The following PRRX1 variants were observed in gnomAD, a reference collection of about 807,000 sequenced individuals.
The protein encoded by PRRX1 is paired mesoderm homeobox protein 1.
A neutral mutation model predicts 24.0 loss-of-function variants in PRRX1; 8 were observed. The ratio of observed to expected loss-of-function variants is 0.33; its 90% CI spans 0.20 to 0.60. The LOEUF is 0.60. Ranked by LOEUF, PRRX1 falls within the 20% of genes least tolerant of loss-of-function variation. The pLI is 0.82. For synonymous variants in PRRX1, 160 were observed against 131.7 expected (o/e 1.22, Z -1.47); for missense variants, 281 against 322.4 (o/e 0.87, Z 0.98).
At chr1:170,717,827 G>A (rs532325893) in intron 1 of PRRX1, among the ~76,000 whole-genome samples, 4 of 152,328 alleles carry the variant, frequency 2.6e-5, no homozygotes, top group Admixed American at 2.0e-4. Context: ...TTGAATTCTA[G>A]TGCTGATCTT....
rs533501026 is a variant in PRRX1, at chr1:170,736,196, A to T, written c.*10A>T. On this transcript the variant is annotated 3_prime_UTR_variant, in exon 4 of 4. Transcript: ENST00000239461. ...GCCAACAGTCAACTGAGGAAAAAAAATAATTAAACAGGCCTAAGAAGAAAT... is the reference window on the plus strand; with the variant it reads ...GCCAACAGTCAACTGAGGAAAAAAATTAATTAAACAGGCCTAAGAAGAAAT... The T allele has an allele frequency of 3.7e-6, 6 of 1,614,056 alleles. No individual in the cohort carries two copies. Among genetic ancestry groups the T allele is most frequent in the African/African-American group, 1.3e-5 (1 of 75,058 alleles).
At chr1:170,697,787 T>C (rs1278126367) in intron 1 of PRRX1, among the ~76,000 whole-genome samples, 1 of 147,492 alleles carries the variant, frequency 6.8e-6, no homozygotes, top group Non-Finnish European at 1.5e-5. Context: ...TATAAAGATA[T>C]ATAAATATGT....
At chr1:170,674,781 T>C (rs982161434) in intron 1 of PRRX1, among the ~76,000 whole-genome samples, 2 of 152,102 alleles carry the variant, frequency 1.3e-5, no homozygotes, top group Admixed American at 6.5e-5. Context: ...ATAGGAGTAA[T>C]ACCAAAGTGT....
Position 170,736,086 on chromosome 1 carries a change from G to T in PRRX1, c.638G>T (p.Ser213Ile). 3.1e-6 allele frequency: 5 copies of T among 1,614,110 alleles called. No homozygotes were observed. The South Asian group carries it at 5.5e-5, about 18-fold the overall frequency. The change falls in exon 4 of 4, where the codon AGC (serine) becomes ATC (isoleucine). Residue 213 changes from serine to isoleucine, a missense_variant. Ser to Ile is a moderately radical substitution (Grantham distance 142). Transcript: ENST00000239461. ...ATYSATCANN[S>I]PAQGINMANS... ...TATTCTGCCACATGTGCCAACAATA[G>T]CCCTGCACAGGGCATCAACATGGCC...
chr1:170,695,472 C>A (rs769334593), intron 1 of PRRX1, among the ~76,000 whole-genome samples: 1 of 152,072 alleles, frequency 6.6e-6, no homozygotes, highest in East Asian at 1.9e-4. Context: ...TGTTGACATA[C>A]GCTTGGTGGA....
intron 1 of PRRX1, among the ~76,000 whole-genome samples, chr1:170,703,004 T>C (rs1418889552): frequency 6.6e-6 from 1 of 152,226 alleles, no homozygotes; most frequent in Non-Finnish European, 1.5e-5. Flanking sequence ...AACTTCAGTT[T>C]GCAAAGCCAA....
intron 1 of PRRX1, among the ~76,000 whole-genome samples, chr1:170,677,383 A>G (rs1653359623): frequency 6.6e-6 from 1 of 152,238 alleles, no homozygotes. Context: ...ATTGTTATAA[A>G]TGCCCTTTAG....
At chr1:170,725,683 T>G (rs984371536) in intron 2 of PRRX1, among the ~76,000 whole-genome samples, 2 of 152,202 alleles carry the variant, frequency 1.3e-5, no homozygotes, top group African/African-American at 2.4e-5. Flanking sequence ...TCTCTGTTAC[T>G]TCCTTGCTCC....
chr1:170,677,651 C>CTGA (rs1210633293), intron 1 of PRRX1, among the ~76,000 whole-genome samples: 1 of 152,180 alleles, frequency 6.6e-6, no homozygotes, highest in Non-Finnish European at 1.5e-5. Flanking sequence ...CAATTAGAAA[C>CTGA]TGATGCCTCA....
chr1:170,677,500 C>G (rs946921217), intron 1 of PRRX1, among the ~76,000 whole-genome samples: 1 of 152,216 alleles, frequency 6.6e-6, no homozygotes, highest in Non-Finnish European at 1.5e-5. Context: ...TGACTTATTT[C>G]AGGCATGGAT....
intron 3 of PRRX1, among the ~76,000 whole-genome samples, chr1:170,729,440 G>A (rs1286399359): frequency 6.8e-6 from 1 of 147,840 alleles, no homozygotes; most frequent in Non-Finnish European, 1.5e-5. Context: ...GAAAACCAAG[G>A]CATAAAAGCA....
At chr1:170,664,107 C>CTCTCTCTCTCTCTCTCTCTCTCTCT (rs1553250934), upstream of PRRX1, 5 of 1,091,304 alleles carry the variant, frequency 4.6e-6, no homozygotes, top group African/African-American at 1.6e-5. Context: ...CTCTCTCTCT[C>CTCTCTCTCTCTCTCTCTCTCTCTCT]CACTACCCCC....
At chr1:170,701,741 A>G (rs576377302) in intron 1 of PRRX1, among the ~76,000 whole-genome samples, 1 of 152,326 alleles carries the variant, frequency 6.6e-6, no homozygotes, top group East Asian at 1.9e-4. Context: ...GACACATTGT[A>G]ATTGTACTTG....
At chr1:170,714,090 C>T (rs1654832742) in intron 1 of PRRX1, among the ~76,000 whole-genome samples, 1 of 152,192 alleles carries the variant, frequency 6.6e-6, no homozygotes, top group Admixed American at 6.5e-5. Context: ...TTAAGTGACC[C>T]ATGTGCCATT....
intron 2 of PRRX1, among the ~76,000 whole-genome samples, chr1:170,721,976 CAA>C (rs34255938): frequency 2.1e-4 from 29 of 138,626 alleles, no homozygotes; most frequent in African/African-American, 7.4e-4. Flanking sequence ...GTGGACATTT[CAA>C]AAAAAAAAAA....
intron 1 of PRRX1, among the ~76,000 whole-genome samples, chr1:170,684,550 C>A (rs1335464778): frequency 2.0e-5 from 3 of 152,162 alleles, no homozygotes; most frequent in African/African-American, 4.8e-5. Context: ...GTTAGGAGTT[C>A]AAGACTAGCC....
chr1:170,668,075 G>A (rs920667962), intron 1 of PRRX1: 3 of 151,688 alleles, frequency 2.0e-5, no homozygotes, highest in Non-Finnish European at 2.9e-5. Flanking sequence ...TTTTTACTGA[G>A]TCTCCCAGAC....
chr1:170,730,105 G>A, intron 3 of PRRX1: 1 of 717,708 alleles, frequency 1.4e-6, no homozygotes, highest in Non-Finnish European at 2.6e-6. Context: ...TTTCCAGAGG[G>A]AGGGCTGGGC....
chr1:170,735,648 ATTCCCCAC>A (rs1249860719), intron 3 of PRRX1, among the ~76,000 whole-genome samples: 2 of 152,190 alleles, frequency 1.3e-5, no homozygotes, highest in Non-Finnish European at 2.9e-5. Flanking sequence ...GCTTGTTTCT[ATTCCCCAC>A]TGCTCCCACA....
Sources: allele counts gnomAD v4.1 joint callset (sites outside exome capture counted in the v4.1 genomes callset), GRCh38; gene constraint gnomAD v4.1.1; transcripts MANE v1.5; gene names NCBI Gene and HGNC (gene_info 2026-07-23, HGNC 2026-07-21).